Variants in SIL1 observed in about 807,000 individuals in gnomAD.
SIL1 encodes nucleotide exchange factor SIL1.
Under a neutral mutation model 49.1 loss-of-function variants are expected in SIL1, and 40 were observed. That is an observed-to-expected ratio of 0.81 (90% CI 0.63 to 1.06). SIL1 has a LOEUF of 1.06. SIL1 is among the 50% of genes least tolerant of loss of function. The pLI is 0.00. For synonymous variants in SIL1, 253 were observed against 250.8 expected, an observed-to-expected ratio of 1.01 and a Z score of -0.08; for missense variants, 500 against 572.6, an observed-to-expected ratio of 0.87 and a Z score of 1.29.
intron 7 of SIL1, among the ~76,000 whole-genome samples, chr5:138,982,790 C>A (rs1187596737): frequency 6.6e-6 from 1 of 152,176 alleles, no homozygotes; most frequent in Non-Finnish European, 1.5e-5. Context: ...AACAAAACAC[C>A]CATGGGTGGA....
chr5:138,995,442 T>C (rs916718287), intron 7 of SIL1, among the ~76,000 whole-genome samples: 27 of 152,116 alleles, frequency 1.8e-4, no homozygotes, highest in African/African-American at 6.5e-4. Context: ...GGTTTCTCCA[T>C]GTTGGTCAGG....
At chr5:139,182,125 G>A (rs1751994617) in intron 1 of SIL1, among the ~76,000 whole-genome samples, 1 of 152,170 alleles carries the variant, frequency 6.6e-6, no homozygotes, top group African/African-American at 2.4e-5. Context: ...TGTGGCCAGG[G>A]CAGTAGTAGC....
At chr5:139,169,872 C>CGGTCTCCCTCTGCCTCTTTCCAG (rs1751705705) in intron 1 of SIL1, among the ~76,000 whole-genome samples, 1 of 151,754 alleles carries the variant, frequency 6.6e-6, no homozygotes, top group Non-Finnish European at 1.5e-5. Flanking sequence ...CCTCTTTCCA[C>CGGTCTCCCTCTGCCTCTTTCCAG]GGTCTCCCTC....
intron 8 of SIL1, 104 bp downstream of exon 8, chr5:138,951,684 C>A: frequency 1.8e-6 from 2 of 1,107,132 alleles, no homozygotes; most frequent in Non-Finnish European, 2.8e-6. Context: ...GCAGATGATG[C>A]TCAGGCCCCC....
At chr5:138,967,704 G>A (rs1767174832) in intron 7 of SIL1, among the ~76,000 whole-genome samples, 1 of 152,166 alleles carries the variant, frequency 6.6e-6, no homozygotes, top group Admixed American at 6.6e-5. Flanking sequence ...CAAGAATAAA[G>A]ACAAAGTGTG....
At chr5:139,172,825 G>T (rs1287518154) in intron 1 of SIL1, among the ~76,000 whole-genome samples, 1 of 152,080 alleles carries the variant, frequency 6.6e-6, no homozygotes, top group Non-Finnish European at 1.5e-5. Context: ...ACACCAGCTG[G>T]TCCCAGATTC....
At chr5:139,072,306 T>C (rs1769852366) in intron 3 of SIL1, among the ~76,000 whole-genome samples, 1 of 152,218 alleles carries the variant, frequency 6.6e-6, no homozygotes, top group Non-Finnish European at 1.5e-5. Context: ...ACATACACTA[T>C]TCAAACACGT....
intron 3 of SIL1, among the ~76,000 whole-genome samples, chr5:139,118,847 T>G (rs888543449): frequency 6.6e-6 from 1 of 152,184 alleles, no homozygotes; most frequent in Admixed American, 6.5e-5. Context: ...TCTGACACCA[T>G]GACACCAGAT....
intron 3 of SIL1, among the ~76,000 whole-genome samples, chr5:139,118,542 G>A (rs746052002): frequency 1.4e-4 from 21 of 152,138 alleles, no homozygotes; most frequent in Non-Finnish European, 2.5e-4. Flanking sequence ...GATCCCCTAA[G>A]TATCAAGGCT....
intron 1 of SIL1, among the ~76,000 whole-genome samples, chr5:139,143,332 C>CATATATATATATATATAT (rs1228701435): frequency 1.1e-5 from 1 of 90,604 alleles, no homozygotes; most frequent in African/African-American, 4.5e-5. Flanking sequence ...CACACACACA[C>CATATATATATATATATAT]ACACACACAC....
At chr5:139,092,895 T>C (rs1035057951) in intron 3 of SIL1, among the ~76,000 whole-genome samples, 6 of 152,144 alleles carry the variant, frequency 3.9e-5, no homozygotes, top group African/African-American at 1.4e-4. Flanking sequence ...AATGTGACAA[T>C]GTTGAAAGAG....
Position 139,170,100 on chromosome 5 carries a change from C to G in SIL1, c.-11+28169G>C, listed in dbSNP as rs566017553. Among the ~76,000 whole-genome samples, 370 of 152,290 alleles carry G rather than the reference C, an allele frequency of 2.4e-3. 2 individuals carry two copies. The highest frequency in any genetic ancestry group is 0.014 in the Middle Eastern group (4 of 294). On this transcript the variant is annotated intron_variant, in intron 1 of 9. Coordinates refer to ENST00000394817, the MANE Select transcript of SIL1 (RefSeq NM_022464.5). ...GCCGGGCTGGTCTCCAGCTCCTAACCGCGAGTGATCCGCCAGCCTCGGCCT... is the reference window on the plus strand; with the variant it reads ...GCCGGGCTGGTCTCCAGCTCCTAACGGCGAGTGATCCGCCAGCCTCGGCCT...
chr5:138,982,580 T>G (rs1189101402), intron 7 of SIL1, among the ~76,000 whole-genome samples: 1 of 152,162 alleles, frequency 6.6e-6, no homozygotes, highest in African/African-American at 2.4e-5. Flanking sequence ...TCTCCATGGC[T>G]CCAGCAGGAG....
intron 1 of SIL1, 180 bp from the exon 2 acceptor site, chr5:139,128,033 CA>C (rs1333584110): frequency 1.6e-6 from 1 of 631,444 alleles, no homozygotes; most frequent in East Asian, 3.2e-5. Context: ...TGGGTCCAGC[CA>C]TCCAACAAGA....
chr5:139,067,628 G>T (rs6873733), intron 3 of SIL1, among the ~76,000 whole-genome samples: 63,952 of 152,054 alleles, frequency 0.42, 13,722 homozygotes, highest in Middle Eastern at 0.47. Flanking sequence ...TAGGTCTCAT[G>T]AGTTTCTTAG....
chr5:138,957,920 C>CT lies in SIL1; in HGVS notation c.768-6037dup, dbSNP rs528121887. On this transcript the variant is annotated intron_variant, in intron 7 of 9. Transcript: ENST00000394817. ...CACTCTTTCCTCTTTTTAAGAAACACTTTTTTTTTTTTTTTTGTAGATGGG... is the reference window on the plus strand; with the variant it reads ...CACTCTTTCCTCTTTTTAAGAAACACTTTTTTTTTTTTTTTTTGTAGATGGG... 4.4e-3 allele frequency among the ~76,000 whole-genome samples: 616 copies of CT among 141,166 alleles called. 4 individuals carry two copies. Among genetic ancestry groups the CT allele is most frequent in the East Asian group, 0.013 (63 of 4,928 alleles). The allele number at this position is 141,166 out of a possible 152,430, so 92.6% of individuals were successfully genotyped here.
chr5:139,046,202 C>T (rs1769159660), intron 4 of SIL1, among the ~76,000 whole-genome samples: 1 of 152,182 alleles, frequency 6.6e-6, no homozygotes, highest in Non-Finnish European at 1.5e-5. Flanking sequence ...TGGCAGGCAC[C>T]TGTAATCCCA....
chr5:139,059,914 C>G (rs1039622092), intron 3 of SIL1, among the ~76,000 whole-genome samples: 1 of 152,122 alleles, frequency 6.6e-6, no homozygotes, highest in Admixed American at 6.5e-5. Context: ...TTCTAGTATA[C>G]AAATAAACTA....
In SIL1 at chr5:139,190,887, C is replaced by T. The variant is rs139305162; in HGVS notation, c.-11+7382G>A. On this transcript the variant is annotated intron_variant, in intron 1 of 9. Coordinates refer to ENST00000394817, the MANE Select transcript of SIL1 (RefSeq NM_022464.5). ...GGATGGAGACTTAACTTCAAGAATA[C>T]AGTCAAACCCAACTCCCCATGAGTA... Among the ~76,000 whole-genome samples the T allele has an allele frequency of 3.4e-4, 52 of 152,238 alleles. No individual in the cohort carries two copies. In the East Asian group the frequency reaches 8.5e-3, roughly 25 times the overall value.
Sources: allele counts gnomAD v4.1 joint callset (sites outside exome capture counted in the v4.1 genomes callset), GRCh38; gene constraint gnomAD v4.1.1; transcripts MANE v1.5; gene names NCBI Gene and HGNC (gene_info 2026-07-23, HGNC 2026-07-21).